The following NETO2 variants were observed in gnomAD, a reference collection of about 807,000 sequenced individuals.
NETO2 encodes neuropilin and tolloid-like protein 2.
A neutral mutation model predicts 62.5 loss-of-function variants in NETO2; 28 were observed. That is an observed-to-expected ratio of 0.45 (90% CI 0.33 to 0.61). NETO2 has a LOEUF of 0.61. NETO2 is among the 20% of genes least tolerant of loss of function. The pLI is 0.02. For missense variants in NETO2, 548 were observed against 643.2 expected, an observed-to-expected ratio of 0.85 and a Z score of 1.60; for synonymous variants, 214 against 219.1, an observed-to-expected ratio of 0.98 and a Z score of 0.21.
intron 3 of NETO2, 39 bp from the exon 4 acceptor site, chr16:47,128,612 A>C (rs1384056657): frequency 6.3e-7 from 1 of 1,588,838 alleles, no homozygotes; most frequent in Non-Finnish European, 8.5e-7. Flanking sequence ...CAACACAAAC[A>C]AGAAAGAATA....
intron 7 of NETO2, among the ~76,000 whole-genome samples, chr16:47,086,922 G>C (rs1056154324): frequency 7.2e-5 from 11 of 152,074 alleles, no homozygotes; most frequent in Non-Finnish European, 1.0e-4. Flanking sequence ...AAACAATGTA[G>C]CATCCACAAG....
rs951946729 is a variant in NETO2 at position 47,080,113 on chromosome 16, T to C, written c.*3108A>G. 1.3e-5 allele frequency: 2 copies of C among 152,216 alleles called. No individual in the cohort carries two copies. The highest frequency in any genetic ancestry group is 2.9e-5 in the Non-Finnish European group (2 of 68,040). 9.4% of individuals were successfully genotyped at this position (152,216 alleles called of 1,614,324 possible). On this transcript the variant is annotated 3_prime_UTR_variant, in exon 9 of 9. Transcript: ENST00000562435. ...TTGTGATGTGAAATGTGAACATTCTTTGCCTTTTGTTAAACGTTTAGATTG... is the reference window on the plus strand; with the variant it reads ...TTGTGATGTGAAATGTGAACATTCTCTGCCTTTTGTTAAACGTTTAGATTG...
chr16:47,140,733 G>A (rs1174042530), intron 1 of NETO2, among the ~76,000 whole-genome samples: 4 of 152,118 alleles, frequency 2.6e-5, no homozygotes, highest in African/African-American at 9.7e-5. Context: ...ACTTATTTCT[G>A]TATAACTAGT....
chr16:47,121,588 A>G (rs1165226011), intron 6 of NETO2, among the ~76,000 whole-genome samples: 1 of 152,214 alleles, frequency 6.6e-6, no homozygotes, highest in Non-Finnish European at 1.5e-5. Context: ...TGTCATCAGC[A>G]TGTGGTAGTG....
chr16:47,107,373 C>T (rs1963697830), intron 7 of NETO2, among the ~76,000 whole-genome samples: 1 of 152,156 alleles, frequency 6.6e-6, no homozygotes, highest in Non-Finnish European at 1.5e-5. Flanking sequence ...ATATAAACCA[C>T]TAGCCTGAGT....
intron 6 of NETO2, among the ~76,000 whole-genome samples, chr16:47,120,091 G>C (rs915742080): frequency 1.3e-5 from 2 of 152,094 alleles, no homozygotes; most frequent in Non-Finnish European, 1.5e-5. Flanking sequence ...ACTATGTTAT[G>C]GATCTGTCAA....
chr16:47,132,326 G>A (rs1215468378), intron 1 of NETO2, among the ~76,000 whole-genome samples: 1 of 148,662 alleles, frequency 6.7e-6, no homozygotes, highest in Non-Finnish European at 1.5e-5. Context: ...CTTGTTTTTT[G>A]CAACAGACCT....
At chr16:47,100,966 T>C (rs1056335741) in intron 7 of NETO2, among the ~76,000 whole-genome samples, 1 of 152,122 alleles carries the variant, frequency 6.6e-6, no homozygotes, top group African/African-American at 2.4e-5. Context: ...GCCAGCATCA[T>C]CCTGGTAACA....
chr16:47,117,302 C>A (rs1963942564), intron 6 of NETO2, among the ~76,000 whole-genome samples: 1 of 152,180 alleles, frequency 6.6e-6, no homozygotes, highest in Non-Finnish European at 1.5e-5. Flanking sequence ...AGATCTCAAT[C>A]TTTGATTTCA....
chr16:47,125,363 T>TC (rs907909917), intron 4 of NETO2, among the ~76,000 whole-genome samples: 4 of 152,060 alleles, frequency 2.6e-5, no homozygotes, highest in Admixed American at 6.5e-5. Flanking sequence ...TTTTTTTTTT[T>TC]CTGACAGATT....
In NETO2 at chr16:47,078,842, A is replaced by C. The variant is rs1963016551; in HGVS notation, c.*4379T>G. ...ATTCACGGTGCCAAGGAATCATGGC[A>C]GCAAAACTGTAGAACACAATGTTAC... On this transcript the variant is annotated 3_prime_UTR_variant, in exon 9 of 9. Transcript: ENST00000562435. 6.6e-6 allele frequency: 1 copy of C among 152,260 alleles called. No individual in the cohort carries two copies. The highest frequency in any genetic ancestry group is 1.5e-5 in the Non-Finnish European group (1 of 68,052). The allele number at this position is 152,260 out of a possible 1,614,324, so 9.4% of individuals were successfully genotyped here.
chr16:47,140,778 G>A (rs1385727975), intron 1 of NETO2, among the ~76,000 whole-genome samples: 1 of 152,162 alleles, frequency 6.6e-6, no homozygotes, highest in East Asian at 1.9e-4. Flanking sequence ...AATGAAAAAC[G>A]AGTTAATACT....
intron 1 of NETO2, among the ~76,000 whole-genome samples, chr16:47,139,329 A>T (rs1045055926): frequency 6.6e-6 from 1 of 152,166 alleles, no homozygotes; most frequent in African/African-American, 2.4e-5. Context: ...GCGAGCACAA[A>T]TCAGGGGATG....
At chr16:47,137,652 T>C (rs1964385186) in intron 1 of NETO2, among the ~76,000 whole-genome samples, 1 of 152,112 alleles carries the variant, frequency 6.6e-6, no homozygotes, top group East Asian at 1.9e-4. Context: ...GAAAGTACAT[T>C]TTCTAAAACC....
intron 6 of NETO2, among the ~76,000 whole-genome samples, chr16:47,110,799 T>C (rs1037782041): frequency 6.6e-6 from 1 of 152,030 alleles, no homozygotes; most frequent in Non-Finnish European, 1.5e-5. Flanking sequence ...TGTCATGTCA[T>C]ATATTCCCCC....
At chr16:47,120,643 C>T (rs951140674) in intron 6 of NETO2, among the ~76,000 whole-genome samples, 1 of 152,206 alleles carries the variant, frequency 6.6e-6, no homozygotes, top group Non-Finnish European at 1.5e-5. Flanking sequence ...CACATCCTGG[C>T]CACTGCCTTC....
intron 6 of NETO2, 91 bp from the exon 7 acceptor site, chr16:47,109,802 G>T: frequency 2.4e-6 from 2 of 834,748 alleles, no homozygotes; most frequent in Non-Finnish European, 3.8e-6. Flanking sequence ...ATGGGACACC[G>T]AATGACAGCT....
At chr16:47,117,395 C>T (rs1257364334) in intron 6 of NETO2, among the ~76,000 whole-genome samples, 1 of 152,194 alleles carries the variant, frequency 6.6e-6, no homozygotes, top group Non-Finnish European at 1.5e-5. Context: ...CTTAAATCTG[C>T]AGATATATGT....
intron 1 of NETO2, among the ~76,000 whole-genome samples, chr16:47,142,593 C>G (rs1317830071): frequency 6.6e-6 from 1 of 152,068 alleles, no homozygotes; most frequent in East Asian, 1.9e-4. Context: ...GAACATGTTA[C>G]GACATTACAA....
Sources: gnomAD v4.1 joint callset for allele counts (sites outside exome capture counted in the v4.1 genomes callset) on GRCh38, gnomAD v4.1.1 for gene constraint, MANE v1.5 for transcripts, NCBI Gene and HGNC (gene_info 2026-07-23, HGNC 2026-07-21) for gene names.